Variants in PUS7 observed in about 807,000 individuals in gnomAD.
PUS7 encodes the protein pseudouridylate synthase 7 homolog.
A neutral mutation model predicts 79.8 loss-of-function variants in PUS7; 48 were observed. That is an observed-to-expected ratio of 0.60 (90% CI 0.48 to 0.76). The LOEUF (loss-of-function observed/expected upper bound fraction) is 0.76. Among genes scored for constraint, PUS7 ranks in the 30% least tolerant of loss-of-function variants. The pLI is 0.00. For missense variants in PUS7, 729 were observed against 797.6 expected, an observed-to-expected ratio of 0.91 and a Z score of 1.04; for synonymous variants, 286 against 272.2, an observed-to-expected ratio of 1.05 and a Z score of -0.50.
At chr7:105,483,633 C>G (rs905770551) in intron 7 of PUS7, among the ~76,000 whole-genome samples, 4 of 151,772 alleles carry the variant, frequency 2.6e-5, no homozygotes, top group Non-Finnish European at 5.9e-5. Context: ...GCTGAGAATA[C>G]AGGTACATGC....
chr7:105,472,975 C>T (rs1391937248), intron 9 of PUS7, among the ~76,000 whole-genome samples: 1 of 143,116 alleles, frequency 7.0e-6, no homozygotes, highest in African/African-American at 2.6e-5. Flanking sequence ...ATTGGTCAGG[C>T]TGGTCTCGAA....
chr7:105,462,570 T>A, intron 14 of PUS7, 51 bp downstream of exon 14: 1 of 1,601,030 alleles, frequency 6.2e-7, no homozygotes, highest in Non-Finnish European at 8.5e-7. Context: ...AAGCAAAAGC[T>A]TACAACTTAT....
At chr7:105,495,371 C>G in intron 5 of PUS7, 118 bp from the exon 6 acceptor site, 1 of 642,822 alleles carries the variant, frequency 1.6e-6, no homozygotes, top group Non-Finnish European at 2.7e-6. Flanking sequence ...TAAAGAAATA[C>G]AGGTTAAGTG....
intron 7 of PUS7, among the ~76,000 whole-genome samples, chr7:105,485,464 C>G (rs1452881892): frequency 6.6e-6 from 1 of 152,250 alleles, no homozygotes; most frequent in Non-Finnish European, 1.5e-5. Flanking sequence ...CCCGCCCTAG[C>G]CTCCCAAAGT....
At chr7:105,506,322 ATTAATT>A (rs773702736) in intron 2 of PUS7, 49 bp from the exon 3 acceptor site, 16 of 1,322,622 alleles carry the variant, frequency 1.2e-5, no homozygotes, top group East Asian at 2.3e-5. Flanking sequence ...CCTGTTTTCT[ATTAATT>A]TTAAGATAAA....
In PUS7 at chr7:105,457,257, G is replaced by A. The variant is rs1228982265; in HGVS notation, c.*533C>T. 1 of 152,190 alleles carries A rather than the reference G, an allele frequency of 6.6e-6. No individual in the cohort carries two copies. The highest frequency in any genetic ancestry group is 1.9e-4 in the East Asian group (1 of 5,208). The allele number at this position is 152,190 out of a possible 1,614,324, so 9.4% of individuals were successfully genotyped here. ...AGTCTATAATGCTTGCCTGAATCTA[G>A]TACATAAGCAGGATAATGACAATCA... On this transcript the variant is annotated 3_prime_UTR_variant, in exon 16 of 16. Transcript: ENST00000469408.
intron 1 of PUS7, among the ~76,000 whole-genome samples, chr7:105,508,994 C>A (rs1825593344): frequency 6.8e-6 from 1 of 147,632 alleles, no homozygotes; most frequent in African/African-American, 2.5e-5. Flanking sequence ...GCCTGGCCAA[C>A]ATGGTGAAAC....
chr7:105,465,694 A>G (rs1170440910), intron 12 of PUS7, among the ~76,000 whole-genome samples: 1 of 152,074 alleles, frequency 6.6e-6, no homozygotes, highest in Non-Finnish European at 1.5e-5. Context: ...TTAGCCAGGC[A>G]TGGTGGCGCA....
Position 105,459,055 on chromosome 7 carries a change from T to A in PUS7, c.1849+113A>T, listed in dbSNP as rs1823308400. On this transcript the variant is annotated intron_variant, in intron 15 of 15. Transcript: ENST00000469408. ...AAAGTAAGGTCATAAAACACAACAA[T>A]GAAATCATGGGTGGTGGTAGTGCTT... The A allele has an allele frequency of 7.3e-6, 4 of 548,466 alleles. No homozygotes were observed. In the East Asian group the frequency reaches 1.2e-4, roughly 17 times the overall value. The allele number at this position is 548,466 out of a possible 1,614,324, so 34.0% of individuals were successfully genotyped here.
chr7:105,459,267 A>T lies in PUS7; in HGVS notation c.1758-8T>A, dbSNP rs1489080069. 9 of 1,582,350 alleles carry T rather than the reference A, an allele frequency of 5.7e-6. No homozygotes were observed. The highest frequency in any genetic ancestry group is 7.8e-6 in the Non-Finnish European group (9 of 1,152,554). On this transcript the variant is annotated splice_region_variant and splice_polypyrimidine_tract_variant and intron_variant, in intron 14 of 15. Coordinates refer to ENST00000469408, the MANE Select transcript of PUS7 (RefSeq NM_019042.5). ...TCATATGCAACGACTTCCCTTCAAA[A>T]CATATGAATAAAGATAAGTGTGAAT... is the stretch of plus-strand genomic sequence containing the variant.
At chr7:105,514,792 TCTCA>T (rs1449470269) in intron 1 of PUS7, among the ~76,000 whole-genome samples, 30 of 146,026 alleles carry the variant, frequency 2.1e-4, no homozygotes, top group African/African-American at 7.1e-4. Flanking sequence ...AAAAATTCTC[TCTCA>T]TTTTTTTTTT....
intron 14 of PUS7, among the ~76,000 whole-genome samples, chr7:105,461,447 C>T (rs768192543): frequency 1.3e-5 from 2 of 152,128 alleles, no homozygotes; most frequent in Admixed American, 6.5e-5. Flanking sequence ...TCTCAAACTC[C>T]TGACCTCAAG....
chr7:105,502,708 AT>A (rs1562813973), intron 4 of PUS7, 144 bp from the exon 5 acceptor site: 1 of 967,832 alleles, frequency 1.0e-6, no homozygotes, highest in Non-Finnish European at 1.5e-6. Context: ...AAAATCTTTT[AT>A]TTTTATTTTT....
In PUS7 at chr7:105,496,194, CACATATATAT is replaced by C. The variant is rs376359672; in HGVS notation, c.731-951_731-942del. Among the ~76,000 whole-genome samples, 643 of 91,560 alleles carry C rather than the reference CACATATATAT, an allele frequency of 7.0e-3. 8 individuals carry two copies. The highest frequency in any genetic ancestry group is 0.023 in the African/African-American group (541 of 23,198). 60.1% of individuals were successfully genotyped at this position (91,560 alleles called of 152,430 possible). Reference sequence around the variant, plus strand: ...AAAAGTATGCATATCTACACACACACACATATATATATATATATATATATATATATATAGA... The same window carrying C: ...AAAAGTATGCATATCTACACACACACATATATATATATATATATATATAGA... On this transcript the variant is annotated intron_variant, in intron 5 of 15. Coordinates refer to ENST00000469408, the MANE Select transcript of PUS7 (RefSeq NM_019042.5).
At chr7:105,498,813 G>A (rs150313743) in intron 5 of PUS7, among the ~76,000 whole-genome samples, 1 of 152,192 alleles carries the variant, frequency 6.6e-6, no homozygotes, top group East Asian at 1.9e-4. Flanking sequence ...TTTTTATAGA[G>A]ATGAGGTTTT....
intron 6 of PUS7, among the ~76,000 whole-genome samples, chr7:105,492,280 G>C (rs1474838013): frequency 2.0e-5 from 3 of 151,244 alleles, no homozygotes; most frequent in Non-Finnish European, 2.9e-5. Flanking sequence ...AGTAAGACCT[G>C]CTCTCTTTAA....
In PUS7 at chr7:105,471,912, CAA is replaced by C. The variant is rs59389623; in HGVS notation, c.1237+218_1237+219del. On this transcript the variant is annotated intron_variant, in intron 10 of 15. Transcript: ENST00000469408. Reference sequence around the variant, plus strand: ...GGGAAACAAGACTAAAACTCCTTATCAAAAAAAAAAAAAAAAGCTAAAATAGG... The same window carrying C: ...GGGAAACAAGACTAAAACTCCTTATCAAAAAAAAAAAAAAGCTAAAATAGG... 0.014 allele frequency among the ~76,000 whole-genome samples: 1,067 copies of C among 77,084 alleles called. 31 individuals carry two copies. In the East Asian group the frequency reaches 0.21, roughly 15 times the overall value. The allele number at this position is 77,084 out of a possible 152,430, so 50.6% of individuals were successfully genotyped here. A position where few individuals can be genotyped will look rare whatever the true frequency, so the allele number is the denominator to read the frequency against.
intron 5 of PUS7, 124 bp downstream of exon 5, chr7:105,502,296 T>G: frequency 8.3e-7 from 1 of 1,200,278 alleles, no homozygotes. Flanking sequence ...AGGAGGGACA[T>G]GATCAATATT....
chr7:105,484,131 A>G (rs753044803), intron 7 of PUS7, among the ~76,000 whole-genome samples: 51 of 152,148 alleles, frequency 3.4e-4, no homozygotes, highest in Non-Finnish European at 7.3e-5. Context: ...TTACACTCTA[A>G]GAGTCTCTTT....
Sources: gnomAD v4.1 joint callset for allele counts (sites outside exome capture counted in the v4.1 genomes callset) on GRCh38, gnomAD v4.1.1 for gene constraint, MANE v1.5 for transcripts, NCBI Gene and HGNC (gene_info 2026-07-23, HGNC 2026-07-21) for gene names.